GARNL3: variants seen among roughly 807,000 people sequenced by gnomAD.
GARNL3 encodes GTPase-activating Rap/Ran-GAP domain-like protein 3.
Under a neutral mutation model 125.0 loss-of-function variants are expected in GARNL3, and 63 were observed. That is an observed-to-expected ratio of 0.50 (90% CI 0.41 to 0.62). GARNL3 has a LOEUF of 0.62. GARNL3 is among the 20% of genes least tolerant of loss of function. GARNL3 has a pLI of 0.00. For synonymous variants in GARNL3, 439 were observed against 457.5 expected (o/e 0.96, Z 0.52); for missense variants, 994 against 1,244.0 (o/e 0.80, Z 3.02).
intron 21 of GARNL3, among the ~76,000 whole-genome samples, chr9:127,358,561 G>A (rs931755346): frequency 2.0e-5 from 3 of 152,174 alleles, no homozygotes; most frequent in African/African-American, 7.2e-5. Context: ...ACTATTTTAG[G>A]AAGACTTAAG....
At chr9:127,365,251 C>A in intron 21 of GARNL3, 49 bp from the exon 22 acceptor site, 1 of 1,487,016 alleles carries the variant, frequency 6.7e-7, no homozygotes, top group Non-Finnish European at 9.4e-7. Flanking sequence ...AGTCTTTTCA[C>A]AGGGTCAGCA....
Position 127,332,567 on chromosome 9 carries a change from C to T in GARNL3, c.670+218C>T, listed in dbSNP as rs553638234. ...CCTCGTTTGTACCCAGTCACTGTTC[C>T]GGGCACTGGAGAGACAGAAGAGCAC... On this transcript the variant is annotated intron_variant, in intron 8 of 27. Coordinates refer to ENST00000373387, the MANE Select transcript of GARNL3 (RefSeq NM_032293.5). Among the ~76,000 whole-genome samples the T allele has an allele frequency of 8.5e-5, 13 of 152,084 alleles. No homozygotes were observed. In the East Asian group the frequency reaches 2.1e-3, roughly 25 times the overall value.
In GARNL3 at chr9:127,336,225, C is replaced by G; in HGVS notation, c.971C>G (p.Ser324Cys). The change falls in exon 11 of 28, where the codon TCC becomes TGC. Residue 324 changes from serine to cysteine, a missense_variant. By Grantham distance (112) the Ser-to-Cys change is moderately radical. Coordinates refer to ENST00000373387, the MANE Select transcript of GARNL3 (RefSeq NM_032293.5). ...SPAFKPSMIR[S>C]HFTHIFALVR... ...GCCTTTAAGCCTTCCATGATCCGCT[C>G]CCACTTTACACGTATCCTGGGCCTT... The G allele has an allele frequency of 6.2e-7, 1 of 1,610,844 alleles. No homozygotes were observed. The highest frequency in any genetic ancestry group is 8.5e-7 in the Non-Finnish European group (1 of 1,177,094).
chr9:127,262,451 C>T (rs560856273), upstream of GARNL3, among the ~76,000 whole-genome samples: 2 of 152,332 alleles, frequency 1.3e-5, no homozygotes, highest in South Asian at 2.1e-4. Flanking sequence ...AGGCACATTT[C>T]AGAGGATGTG....
At chr9:127,391,240 G>T (rs1420358262) in intron 27 of GARNL3, among the ~76,000 whole-genome samples, 1 of 150,796 alleles carries the variant, frequency 6.6e-6, no homozygotes, top group Non-Finnish European at 1.5e-5. Flanking sequence ...AGCCAAGATC[G>T]TGCCACTGCA....
chr9:127,263,955 T>A, upstream of GARNL3: 1 of 1,526,898 alleles, frequency 6.5e-7, no homozygotes, highest in South Asian at 1.2e-5. Context: ...CCAAGAGGGC[T>A]GTAATTTAGA....
At chr9:127,271,178 CA>C (rs1438897064) in intron 1 of GARNL3, among the ~76,000 whole-genome samples, 1 of 150,290 alleles carries the variant, frequency 6.7e-6, no homozygotes, top group Non-Finnish European at 1.5e-5. Context: ...TTTAAAAGCT[CA>C]AACTAAAAGC....
chr9:127,311,358 A>C (rs2065093261), intron 2 of GARNL3, among the ~76,000 whole-genome samples: 1 of 152,160 alleles, frequency 6.6e-6, no homozygotes, highest in Admixed American at 6.5e-5. Flanking sequence ...ATACTGTGGA[A>C]GTTTCAGCCC....
intron 17 of GARNL3, among the ~76,000 whole-genome samples, chr9:127,352,504 C>T (rs868017434): frequency 6.6e-6 from 1 of 152,124 alleles, no homozygotes; most frequent in East Asian, 1.9e-4. Context: ...TCTGCCCCAG[C>T]GGAAGTACAA....
chr9:127,376,305 G>A (rs975836759), intron 22 of GARNL3, among the ~76,000 whole-genome samples: 2 of 151,190 alleles, frequency 1.3e-5, no homozygotes, highest in African/African-American at 2.4e-5. Flanking sequence ...TGCAGGCTCC[G>A]CACCCCGAGT....
rs764663379 is a variant in GARNL3 at position 127,390,625 on chromosome 9, A to G, written c.2744-16A>G. 15 of 1,613,266 alleles carry G rather than the reference A, an allele frequency of 9.3e-6. No individual in the cohort carries two copies. Among genetic ancestry groups the G allele is most frequent in the African/African-American group, 5.3e-5 (4 of 74,888 alleles). ...CCCTGTGGTAGTGACCCTCTGACCT[A>G]TGATTCTCAATCCAGGCCTCTCGGA... On this transcript the variant is annotated splice_polypyrimidine_tract_variant and intron_variant, in intron 26 of 27. Transcript: ENST00000373387.
intron 7 of GARNL3, among the ~76,000 whole-genome samples, chr9:127,330,519 G>A (rs1399710282): frequency 4.6e-5 from 7 of 152,128 alleles, no homozygotes; most frequent in Non-Finnish European, 1.0e-4. Context: ...ATGTACTATG[G>A]TCAACACTGG....
chr9:127,340,484 A>G (rs1829805423), intron 13 of GARNL3, among the ~76,000 whole-genome samples: 1 of 151,990 alleles, frequency 6.6e-6, no homozygotes, highest in Admixed American at 6.6e-5. Flanking sequence ...TGCTTGGTCT[A>G]TGCCCTCCAT....
At position 127,389,536 on chromosome 9, in the gene GARNL3, G is replaced by T. The variant is rs112886233; in HGVS notation, c.2743+417G>T. 4.3e-3 allele frequency among the ~76,000 whole-genome samples: 659 copies of T among 152,322 alleles called. 2 individuals are homozygous for T. The highest frequency in any genetic ancestry group is 6.9e-3 in the Non-Finnish European group (470 of 68,026). On this transcript the variant is annotated intron_variant, in intron 26 of 27. Transcript: ENST00000373387. ...AAATGTACCATGTTTTTACACGTGT[G>T]TGTTCAGTTCCCTTATTACTTCTCC...
chr9:127,345,448 T>G lies in GARNL3; in HGVS notation c.1402T>G (p.Leu468Val). 1 of 1,609,356 alleles carries G rather than the reference T, an allele frequency of 6.2e-7. No individual in the cohort carries two copies. The highest frequency in any genetic ancestry group is 1.1e-5 in the South Asian group (1 of 90,022). ...TGTGAGAGGGGATGCTCCATCAAGCTTGGCAGCTTCAGGGATCTGTAAAAA... is the reference window on the plus strand; with the variant it reads ...TGTGAGAGGGGATGCTCCATCAAGCGTGGCAGCTTCAGGGATCTGTAAAAA... Reference protein sequence around the residue: ...SIVRGDAPSSLAASGICKKEP... With the variant: ...SIVRGDAPSSVAASGICKKEP... The change falls in exon 16 of 28, where the codon TTG becomes GTG. Residue 468 changes from leucine to valine, a missense_variant. Coordinates refer to ENST00000373387, the MANE Select transcript of GARNL3 (RefSeq NM_032293.5).
chr9:127,274,909 A>G lies in GARNL3; in HGVS notation c.144+9888A>G, dbSNP rs117672009. Among the ~76,000 whole-genome samples, 557 of 152,070 alleles carry G rather than the reference A, an allele frequency of 3.7e-3. 1 individual carries two copies. Among genetic ancestry groups the G allele is most frequent in the Non-Finnish European group, 6.0e-3 (406 of 67,964 alleles). ...TGCACATAAGTCTCTAAACACACAGACTTTCTTGGTGTCTGTTTGGTAACA... is the reference window on the plus strand; with the variant it reads ...TGCACATAAGTCTCTAAACACACAGGCTTTCTTGGTGTCTGTTTGGTAACA... On this transcript the variant is annotated intron_variant, in intron 1 of 27. Transcript: ENST00000373387.
Position 127,283,900 on chromosome 9 carries a change from T to C in GARNL3, c.145-7268T>C, listed in dbSNP as rs965285074. Among the ~76,000 whole-genome samples, 4 of 152,306 alleles carry C rather than the reference T, an allele frequency of 2.6e-5. No individual in the cohort carries two copies. The East Asian group carries it at 7.7e-4, about 29-fold the overall frequency. On this transcript the variant is annotated intron_variant, in intron 1 of 27. Coordinates refer to ENST00000373387, the MANE Select transcript of GARNL3 (RefSeq NM_032293.5). Reference sequence around the variant, plus strand: ...TTGGTGTATGACCATAGCAGAGATATAAGACCAAATAAAGTTTAAAAAATC... The same window carrying C: ...TTGGTGTATGACCATAGCAGAGATACAAGACCAAATAAAGTTTAAAAAATC...
intron 6 of GARNL3, among the ~76,000 whole-genome samples, chr9:127,321,810 A>C (rs1327479340): frequency 6.6e-6 from 1 of 152,218 alleles, no homozygotes; most frequent in Non-Finnish European, 1.5e-5. Flanking sequence ...TCCAGGAGGC[A>C]GCAGGGAGCC....
At chr9:127,270,615 G>A (rs112586924) in intron 1 of GARNL3, among the ~76,000 whole-genome samples, 353 of 152,250 alleles carry the variant, frequency 2.3e-3, no homozygotes, top group Middle Eastern at 0.017. Flanking sequence ...CTTCTCAGAG[G>A]GGCCTCCCCT....
Sources: gnomAD v4.1 joint callset for allele counts (sites outside exome capture counted in the v4.1 genomes callset) on GRCh38, gnomAD v4.1.1 for gene constraint, MANE v1.5 for transcripts, NCBI Gene and HGNC (gene_info 2026-07-23, HGNC 2026-07-21) for gene names.